Variants in SLC2A13 observed in about 807,000 individuals in gnomAD.
SLC2A13 encodes proton myo-inositol cotransporter.
In SLC2A13, 32 loss-of-function variants were observed where a neutral mutation model predicts 64.4. The observed-to-expected ratio is 0.50, with a 90% CI of 0.37 to 0.67. SLC2A13 has a LOEUF of 0.67. Ranked by LOEUF, SLC2A13 falls within the 30% of genes least tolerant of loss-of-function variation. SLC2A13 has a pLI of 0.00. For missense variants in SLC2A13, 743 were observed against 829.2 expected (o/e 0.90, Z 1.28); for synonymous variants, 338 against 327.1 (o/e 1.03, Z -0.36).
intron 4 of SLC2A13, among the ~76,000 whole-genome samples, chr12:39,929,983 T>C (rs1387638868): frequency 6.6e-6 from 1 of 151,578 alleles, no homozygotes; most frequent in Non-Finnish European, 1.5e-5. Context: ...ATACAAAAAT[T>C]AGCCAGGCAT....
intron 3 of SLC2A13, among the ~76,000 whole-genome samples, chr12:39,998,143 G>A (rs1389776989): frequency 6.6e-6 from 1 of 152,118 alleles, no homozygotes; most frequent in Non-Finnish European, 1.5e-5. Flanking sequence ...ATCAGCGAGT[G>A]GATAAAGAAA....
chr12:39,785,395 A>G (rs1941149803), intron 7 of SLC2A13, among the ~76,000 whole-genome samples: 2 of 152,216 alleles, frequency 1.3e-5, no homozygotes, highest in Non-Finnish European at 2.9e-5. Context: ...GGTGCACAGA[A>G]GTCAAGAATT....
intron 7 of SLC2A13, among the ~76,000 whole-genome samples, chr12:39,795,726 C>T (rs965465965): frequency 1.3e-5 from 2 of 152,174 alleles, no homozygotes; most frequent in African/African-American, 4.8e-5. Context: ...TTTATGGGCA[C>T]GGGAAACATA....
chr12:39,795,238 T>C (rs994079268), intron 7 of SLC2A13, among the ~76,000 whole-genome samples: 3 of 152,114 alleles, frequency 2.0e-5, no homozygotes, highest in Non-Finnish European at 4.4e-5. Flanking sequence ...TTAATGTTTC[T>C]TTGAGTTTCA....
intron 7 of SLC2A13, among the ~76,000 whole-genome samples, chr12:39,798,477 A>G (rs1378206134): frequency 6.6e-6 from 1 of 152,248 alleles, no homozygotes; most frequent in African/African-American, 2.4e-5. Context: ...ACCTTAATGA[A>G]CAGTAAACTA....
chr12:39,923,190 G>A (rs1383997214), intron 4 of SLC2A13, among the ~76,000 whole-genome samples: 7 of 152,164 alleles, frequency 4.6e-5, no homozygotes, highest in Non-Finnish European at 8.8e-5. Context: ...AGTGATTCAA[G>A]CAAATACTTG....
intron 1 of SLC2A13, among the ~76,000 whole-genome samples, chr12:40,081,397 A>AT (rs1178651929): frequency 7.2e-5 from 11 of 151,940 alleles, no homozygotes; most frequent in South Asian, 2.1e-4. Flanking sequence ...GTTCATTTTT[A>AT]TTTTTTTTAT....
At chr12:40,077,396 T>G (rs1938218499) in intron 1 of SLC2A13, among the ~76,000 whole-genome samples, 1 of 152,180 alleles carries the variant, frequency 6.6e-6, no homozygotes, top group Non-Finnish European at 1.5e-5. Context: ...AAACACCATT[T>G]ATTAAATAGG....
intron 7 of SLC2A13, among the ~76,000 whole-genome samples, chr12:39,796,232 T>C (rs1418219209): frequency 1.3e-5 from 2 of 152,120 alleles, no homozygotes; most frequent in Non-Finnish European, 2.9e-5. Context: ...GGGTAGCCCT[T>C]AACATCTTAA....
chr12:40,104,143 T>C (rs1318153190), intron 1 of SLC2A13, among the ~76,000 whole-genome samples: 1 of 152,034 alleles, frequency 6.6e-6, no homozygotes, highest in East Asian at 1.9e-4. Flanking sequence ...TTTAAAGCGC[T>C]TTCATCAAGC....
chr12:39,936,477 T>C (rs979623141), intron 4 of SLC2A13, among the ~76,000 whole-genome samples: 2 of 152,204 alleles, frequency 1.3e-5, no homozygotes, highest in Admixed American at 6.5e-5. Context: ...TAGTTTCTGA[T>C]TTCAACCCTC....
At chr12:39,947,692 G>A (rs942283873) in intron 4 of SLC2A13, among the ~76,000 whole-genome samples, 7 of 136,002 alleles carry the variant, frequency 5.1e-5, no homozygotes, top group Admixed American at 1.6e-4. Context: ...ACGGAGTGTC[G>A]CTCAGTCGCC....
At chr12:40,080,947 CTTTG>C (rs373795803) in intron 1 of SLC2A13, among the ~76,000 whole-genome samples, 143 of 152,138 alleles carry the variant, frequency 9.4e-4, no homozygotes, top group African/African-American at 3.2e-3. Context: ...TTTATTTCTC[CTTTG>C]TTTATGAAGT....
At chr12:39,896,335 T>C (rs907497171) in intron 4 of SLC2A13, among the ~76,000 whole-genome samples, 6 of 142,600 alleles carry the variant, frequency 4.2e-5, no homozygotes, top group Non-Finnish European at 7.6e-5. Context: ...TGTGTATATA[T>C]GTATACATAT....
At chr12:39,849,192 C>T (rs2135890601) in intron 6 of SLC2A13, among the ~76,000 whole-genome samples, 1 of 151,784 alleles carries the variant, frequency 6.6e-6, no homozygotes, top group South Asian at 2.1e-4. Flanking sequence ...AAAAAAAATT[C>T]AAAAAAAGAA....
At chr12:40,031,131 T>C (rs977507885) in intron 2 of SLC2A13, among the ~76,000 whole-genome samples, 1 of 152,230 alleles carries the variant, frequency 6.6e-6, no homozygotes, top group Non-Finnish European at 1.5e-5. Flanking sequence ...AGAGCTTATA[T>C]GACAGAGAGG....
At chr12:40,038,501 G>T (rs1042541003) in intron 2 of SLC2A13, among the ~76,000 whole-genome samples, 4 of 152,108 alleles carry the variant, frequency 2.6e-5, no homozygotes, top group African/African-American at 9.7e-5. Flanking sequence ...AGCCCAAAGT[G>T]GGTGGATCAC....
intron 1 of SLC2A13, among the ~76,000 whole-genome samples, chr12:40,058,042 CAGAT>C (rs10534370): frequency 0.37 from 54,104 of 144,972 alleles, 10,178 homozygotes; most frequent in East Asian, 0.55. Flanking sequence ...AATTTCTCTC[CAGAT>C]AGATAGATAG....
At chr12:39,986,053 A>G (rs986641747) in intron 3 of SLC2A13, among the ~76,000 whole-genome samples, 5 of 152,106 alleles carry the variant, frequency 3.3e-5, no homozygotes, top group Non-Finnish European at 5.9e-5. Context: ...GTGTCCTCAC[A>G]TGACGGGAGG....
Sources: allele counts gnomAD v4.1 joint callset (sites outside exome capture counted in the v4.1 genomes callset), GRCh38; gene constraint gnomAD v4.1.1; transcripts MANE v1.5; gene names NCBI Gene and HGNC (gene_info 2026-07-23, HGNC 2026-07-21).